The following YWHAE variants were observed in gnomAD, a reference collection of about 807,000 sequenced individuals.
The protein encoded by YWHAE is tyrosine 3-monooxygenase/tryptophan 5-monooxygenase activation protein epsilon.
In YWHAE, 4 loss-of-function variants were observed where a neutral mutation model predicts 30.1. The observed-to-expected ratio is 0.13, with a 90% CI of 0.07 to 0.30. YWHAE has a LOEUF of 0.30. YWHAE is among the 10% of genes least tolerant of loss of function. The pLI, the probability that YWHAE is intolerant of heterozygous loss-of-function variation, is 1.00. For missense variants in YWHAE, 121 were observed against 315.9 expected, an observed-to-expected ratio of 0.38 and a Z score of 4.68; for synonymous variants, 118 against 111.8, an observed-to-expected ratio of 1.06 and a Z score of -0.35.
At chr17:1,379,509 A>G (rs932699314) in intron 1 of YWHAE, among the ~76,000 whole-genome samples, 1 of 152,230 alleles carries the variant, frequency 6.6e-6, no homozygotes, top group African/African-American at 2.4e-5. Context: ...ATACATGCAA[A>G]ACTTCTAATT....
At chr17:1,388,113 GGTTGGTTTT>G (rs1174919663) in intron 1 of YWHAE, among the ~76,000 whole-genome samples, 7 of 35,124 alleles carry the variant, frequency 2.0e-4, no homozygotes, top group African/African-American at 2.7e-4. Context: ...TTTTTTTTTT[GGTTGGTTTT>G]TTTTTTTTTT....
chr17:1,393,049 A>C (rs531837630), intron 1 of YWHAE, among the ~76,000 whole-genome samples: 2 of 151,676 alleles, frequency 1.3e-5, no homozygotes, highest in African/African-American at 4.8e-5. Flanking sequence ...ACTAAAACAC[A>C]AAAGAAATTA....
chr17:1,367,096 T>C (rs1382828865), intron 1 of YWHAE, among the ~76,000 whole-genome samples: 1 of 152,182 alleles, frequency 6.6e-6, no homozygotes, highest in Non-Finnish European at 1.5e-5. Context: ...TATTCGGCAA[T>C]GTTTTAATAA....
At position 1,368,230 on chromosome 17, in the gene YWHAE, T is replaced by A. The variant is rs115642553; in HGVS notation, c.65-3172A>T. 3.7e-3 allele frequency among the ~76,000 whole-genome samples: 565 copies of A among 151,942 alleles called. 1 individual carries two copies. Among genetic ancestry groups the A allele is most frequent in the African/African-American group, 0.012 (509 of 41,436 alleles). On this transcript the variant is annotated intron_variant, in intron 1 of 5. Transcript: ENST00000264335. ...GGAGAAACTAAAAATACAAAAAAAT[T>A]TGCCAGACGTGGTGGCACATGCCTG...
intron 1 of YWHAE, among the ~76,000 whole-genome samples, chr17:1,393,297 G>C (rs1038898302): frequency 6.6e-6 from 1 of 151,342 alleles, no homozygotes; most frequent in Non-Finnish European, 1.5e-5. Flanking sequence ...CTACAGCCTG[G>C]GTGACCAAGT....
At chr17:1,399,894 C>T (rs2073541309) in intron 1 of YWHAE, 153 bp downstream of exon 1, 3 of 879,696 alleles carry the variant, frequency 3.4e-6, no homozygotes, top group Non-Finnish European at 3.7e-6. Flanking sequence ...CTCCCATCGC[C>T]CCGGGAGCTC....
At chr17:1,388,343 C>T (rs1379194691) in intron 1 of YWHAE, among the ~76,000 whole-genome samples, 4 of 150,640 alleles carry the variant, frequency 2.7e-5, no homozygotes, top group Admixed American at 1.3e-4. Context: ...GGTGAAACCC[C>T]GTCTCTACTA....
intron 1 of YWHAE, among the ~76,000 whole-genome samples, chr17:1,389,029 T>C (rs1428591908): frequency 6.6e-6 from 1 of 151,972 alleles, no homozygotes; most frequent in East Asian, 1.9e-4. Context: ...GCAGTGGTCT[T>C]ATCATGGCTC....
At chr17:1,351,523 G>A (rs184998664) in intron 5 of YWHAE, among the ~76,000 whole-genome samples, 108 of 151,780 alleles carry the variant, frequency 7.1e-4, no homozygotes, top group Admixed American at 3.9e-3. Context: ...CAAACTCTCC[G>A]CATGCTTTCC....
At chr17:1,379,406 G>A (rs2073171900) in intron 1 of YWHAE, among the ~76,000 whole-genome samples, 1 of 152,088 alleles carries the variant, frequency 6.6e-6, no homozygotes, top group Non-Finnish European at 1.5e-5. Context: ...GATCAACTGA[G>A]CCCAGGAAGT....
At chr17:1,375,245 CTAA>C (rs1226046232) in intron 1 of YWHAE, among the ~76,000 whole-genome samples, 1 of 152,172 alleles carries the variant, frequency 6.6e-6, no homozygotes, top group African/African-American at 2.4e-5. Flanking sequence ...AAACATAATA[CTAA>C]TGATAATGTA....
At chr17:1,359,256 G>A (rs2072813894) in intron 4 of YWHAE, among the ~76,000 whole-genome samples, 1 of 152,176 alleles carries the variant, frequency 6.6e-6, no homozygotes. Context: ...GGAAGCCAAG[G>A]CTGCAGTGAG....
At chr17:1,357,001 G>A (rs904302449) in intron 4 of YWHAE, among the ~76,000 whole-genome samples, 6 of 152,006 alleles carry the variant, frequency 3.9e-5, no homozygotes, top group East Asian at 1.9e-4. Flanking sequence ...CGGGCGCGGT[G>A]GCTCACGCCT....
chr17:1,347,902 C>A lies in YWHAE; in HGVS notation c.716-2403G>T, dbSNP rs964767273. The A allele has an allele frequency of 2.1e-5, 19 of 913,336 alleles. No individual in the cohort carries two copies. The East Asian group carries it at 7.0e-4, about 34-fold the overall frequency. 56.6% of individuals were successfully genotyped at this position (913,336 alleles called of 1,614,324 possible). A position where few individuals can be genotyped will look rare whatever the true frequency, so the allele number is the denominator to read the frequency against. On this transcript the variant is annotated intron_variant, in intron 5 of 5. Coordinates refer to ENST00000264335, the MANE Select transcript of YWHAE (RefSeq NM_006761.5). ...AAGCAACAGGACGATCATACGCAGG[C>A]ATGATTAGTGAAGAACCAAAACTGA... is the stretch of plus-strand genomic sequence containing the variant.
At chr17:1,376,928 C>CTTTTT (rs150653022) in intron 1 of YWHAE, among the ~76,000 whole-genome samples, 3 of 142,210 alleles carry the variant, frequency 2.1e-5, no homozygotes, top group Admixed American at 1.4e-4. Flanking sequence ...ATAACCCTAA[C>CTTTTT]TTTTTTTTTT....
At chr17:1,360,037 A>T (rs2150848662) in intron 4 of YWHAE, among the ~76,000 whole-genome samples, 1 of 152,064 alleles carries the variant, frequency 6.6e-6, no homozygotes, top group East Asian at 1.9e-4. Flanking sequence ...ATCGAGGCTC[A>T]CCGCAACCTC....
At chr17:1,398,643 A>G (rs1002939274) in intron 1 of YWHAE, among the ~76,000 whole-genome samples, 4 of 152,192 alleles carry the variant, frequency 2.6e-5, no homozygotes, top group Non-Finnish European at 5.9e-5. Flanking sequence ...CAAAAGCATT[A>G]AAACCACAGG....
At chr17:1,352,693 T>A (rs2072655504) in intron 5 of YWHAE, among the ~76,000 whole-genome samples, 1 of 152,108 alleles carries the variant, frequency 6.6e-6, no homozygotes, top group African/African-American at 2.4e-5. Flanking sequence ...GCCCAGCCAA[T>A]TTTTTGTATA....
At chr17:1,381,618 T>C (rs1416262539) in intron 1 of YWHAE, among the ~76,000 whole-genome samples, 6 of 151,510 alleles carry the variant, frequency 4.0e-5, no homozygotes, top group Admixed American at 2.6e-4. Flanking sequence ...AAACGTAACA[T>C]AAATGCACTG....
Sources: allele counts gnomAD v4.1 joint callset (sites outside exome capture counted in the v4.1 genomes callset), GRCh38; gene constraint gnomAD v4.1.1; transcripts MANE v1.5; gene names NCBI Gene and HGNC (gene_info 2026-07-23, HGNC 2026-07-21).